The following EIF2AK4 variants were observed in gnomAD, a reference collection of about 807,000 sequenced individuals.
EIF2AK4 encodes the protein eukaryotic translation initiation factor 2 alpha kinase 4.
EIF2AK4 carries 139 observed loss-of-function variants against 211.1 expected under a neutral mutation model. The ratio of observed to expected loss-of-function variants is 0.66; its 90% CI spans 0.57 to 0.76. The LOEUF is 0.76. EIF2AK4 is among the 30% of genes least tolerant of loss of function. The probability of loss-of-function intolerance (pLI) is 0.00; values close to 1 mark genes in which losing one functional copy is unlikely to be tolerated. For missense variants in EIF2AK4, 1,664 were observed against 2,043.8 expected (o/e 0.81, Z 3.58); for synonymous variants, 710 against 751.3 (o/e 0.94, Z 0.90).
rs771071962 is a variant in EIF2AK4 at position 39,971,388 on chromosome 15, G to T, written c.1554-1520G>T. On this transcript the variant is annotated intron_variant, in intron 9 of 38. Transcript: ENST00000263791. ...AAAAGACAAAAATTAGCCATGCATGGTGACACTCACCTGTAATCCCAGCTA... is the reference window on the plus strand; with the variant it reads ...AAAAGACAAAAATTAGCCATGCATGTTGACACTCACCTGTAATCCCAGCTA... Among the ~76,000 whole-genome samples the T allele has an allele frequency of 1.6e-3, 242 of 152,216 alleles. 1 individual carries two copies. The highest frequency in any genetic ancestry group is 3.4e-3 in the Middle Eastern group (1 of 294).
At chr15:40,024,479 A>T (rs986511625) in intron 32 of EIF2AK4, among the ~76,000 whole-genome samples, 26 of 129,244 alleles carry the variant, frequency 2.0e-4, no homozygotes, top group African/African-American at 7.8e-4. Context: ...TGCAATCTCC[A>T]CTTGCTGCAA....
chr15:40,019,129 G>C lies in EIF2AK4; in HGVS notation c.4102G>C (p.Val1368Leu), dbSNP rs768352271. The C allele has an allele frequency of 1.2e-6, 2 of 1,608,202 alleles. No homozygotes were observed. Among genetic ancestry groups the C allele is most frequent in the South Asian group, 2.2e-5 (2 of 89,686 alleles). ...QFRGPQALGP[V>L]PTAIGVSIAI... ...TAGAGGGCCACAAGCTCTGGGGCCA[G>C]TTCCCACTGCCATTGGGGTCAGCAT... Residue 1368 changes from valine (V) to leucine (L), a missense_variant, in exon 30 of 39, where the codon GTT (valine) becomes CTT (leucine). This residue lies in a region of EIF2AK4 where 622 missense variants were observed against 796.8 expected (regional missense o/e 0.78). Transcript: ENST00000263791.
intron 19 of EIF2AK4, among the ~76,000 whole-genome samples, chr15:39,998,135 T>G (rs142041956): frequency 6.6e-6 from 1 of 152,222 alleles, no homozygotes; most frequent in Non-Finnish European, 1.5e-5. Flanking sequence ...TAGATGATTA[T>G]GTCCTTAATG....
chr15:39,964,787 T>C (rs2034520328), intron 7 of EIF2AK4, among the ~76,000 whole-genome samples: 1 of 152,234 alleles, frequency 6.6e-6, no homozygotes. Flanking sequence ...GAGAACCATA[T>C]GACTATCACT....
intron 6 of EIF2AK4, among the ~76,000 whole-genome samples, chr15:39,960,202 G>A: frequency 6.6e-6 from 1 of 151,604 alleles, no homozygotes; most frequent in Non-Finnish European, 1.5e-5. Flanking sequence ...GGACATATGT[G>A]TGGTGTAAGA....
intron 34 of EIF2AK4, 146 bp downstream of exon 34, chr15:40,029,610 C>G (rs1208473555): frequency 1.3e-6 from 1 of 763,112 alleles, no homozygotes; most frequent in Non-Finnish European, 2.0e-6. Context: ...GGATGCATCC[C>G]TATGCTTTGA....
chr15:40,001,901 C>A (rs2035097945), intron 21 of EIF2AK4, among the ~76,000 whole-genome samples: 1 of 151,870 alleles, frequency 6.6e-6, no homozygotes, highest in African/African-American at 2.4e-5. Context: ...AGCCAGGTTG[C>A]CAGTTTGGGA....
At chr15:39,977,168 T>G (rs1478919680) in intron 12 of EIF2AK4, 3 of 242,060 alleles carry the variant, frequency 1.2e-5, no homozygotes, top group Non-Finnish European at 2.4e-5. Context: ...AACCACCACT[T>G]TTAGAGAGTA....
intron 4 of EIF2AK4, among the ~76,000 whole-genome samples, chr15:39,950,179 C>T (rs1429045893): frequency 6.6e-6 from 1 of 152,124 alleles, no homozygotes; most frequent in African/African-American, 2.4e-5. Flanking sequence ...ATAATACTTT[C>T]TTTAAACTAT....
At chr15:39,992,136 C>T in intron 16 of EIF2AK4, 39 bp from the exon 17 acceptor site, 1 of 1,571,706 alleles carries the variant, frequency 6.4e-7, no homozygotes, top group Non-Finnish European at 8.7e-7. Flanking sequence ...GGAATAATAT[C>T]ATGTTTTAAT....
rs777823474 is a variant in EIF2AK4 at position 40,032,199 on chromosome 15, A to G, written c.4690A>G (p.Asn1564Asp). 2.0e-5 allele frequency: 33 copies of G among 1,614,098 alleles called. No individual in the cohort carries two copies. Among genetic ancestry groups the G allele is most frequent in the Non-Finnish European group, 2.8e-5 (33 of 1,180,036 alleles). The change falls in exon 36 of 39, where the codon AAC becomes GAC. Residue 1564 changes from asparagine (N) to aspartate (D), a missense_variant. Coordinates refer to ENST00000263791, the MANE Select transcript of EIF2AK4 (RefSeq NM_001013703.4). ...AACTCGACTTCAGACCTCCCTTGCCAACTTACATCAGAAAAGCAGTGAAAT... is the reference window on the plus strand; with the variant it reads ...AACTCGACTTCAGACCTCCCTTGCCGACTTACATCAGAAAAGCAGTGAAAT... The part of the protein sequence containing the change: ...VQTRLQTSLA[N>D]LHQKSSEIEI...
At chr15:40,027,432 C>T (rs572366211) in intron 33 of EIF2AK4, among the ~76,000 whole-genome samples, 3 of 152,316 alleles carry the variant, frequency 2.0e-5, no homozygotes, top group Admixed American at 6.5e-5. Flanking sequence ...CTTCAAGATT[C>T]TCTAGACCAC....
intron 11 of EIF2AK4, chr15:39,974,339 G>A (rs1481488757): frequency 6.6e-6 from 1 of 152,100 alleles, no homozygotes; most frequent in African/African-American, 2.4e-5. Context: ...TATAATAGAA[G>A]TATTTCTTTG....
Position 39,976,803 on chromosome 15 carries a change from C to CGACGACGACGA in EIF2AK4, c.2213_2214insCGACGAGACGA (p.Glu738AspfsTer57). ...CGGGCTCCAGCGATGACGAGGACGA[C>CGACGACGACGA]GACGAGGACGAGCACGGTGGCGTCT... On this transcript the variant is annotated frameshift_variant, in exon 12 of 39. Coordinates refer to ENST00000263791, the MANE Select transcript of EIF2AK4 (RefSeq NM_001013703.4). LOFTEE classifies it high-confidence loss of function. 1 of 1,572,414 alleles carries CGACGACGACGA rather than the reference C, an allele frequency of 6.4e-7. No homozygotes were observed. Among genetic ancestry groups the CGACGACGACGA allele is most frequent in the Non-Finnish European group, 8.6e-7 (1 of 1,161,718 alleles).
chr15:39,942,201 A>T (rs2034154531), intron 2 of EIF2AK4, among the ~76,000 whole-genome samples: 1 of 152,172 alleles, frequency 6.6e-6, no homozygotes, highest in African/African-American at 2.4e-5. Context: ...GCTTTTCTGC[A>T]GAATAGTCCT....
chr15:40,032,528 G>C (rs2291622), intron 36 of EIF2AK4, among the ~76,000 whole-genome samples: 6 of 152,240 alleles, frequency 3.9e-5, no homozygotes, highest in Admixed American at 2.6e-4. Context: ...ATGTAGCAGC[G>C]TCAGACCTTT....
At position 40,030,358 on chromosome 15, in the gene EIF2AK4, G is replaced by A; in HGVS notation, c.4562-1G>A. On this transcript the variant is annotated splice_acceptor_variant, in intron 34 of 38. Coordinates refer to ENST00000263791, the MANE Select transcript of EIF2AK4 (RefSeq NM_001013703.4). LOFTEE classifies it high-confidence loss of function. ...AAATTCTGAAACTCTCTTGGTCTCA[G>A]GTTTGTTTGAAATCCATGGAGCAAC... The A allele has an allele frequency of 1.2e-6, 2 of 1,613,916 alleles. No individual in the cohort carries two copies. Among genetic ancestry groups the A allele is most frequent in the East Asian group, 2.2e-5 (1 of 44,884 alleles).
At chr15:39,996,105 G>A (rs993431991) in intron 18 of EIF2AK4, among the ~76,000 whole-genome samples, 1 of 152,092 alleles carries the variant, frequency 6.6e-6, no homozygotes, top group African/African-American at 2.4e-5. Context: ...GTGAGATCAT[G>A]TAGTATTTGC....
intron 34 of EIF2AK4, among the ~76,000 whole-genome samples, chr15:40,029,677 A>C (rs112338319): frequency 1.2e-4 from 18 of 152,196 alleles, no homozygotes; most frequent in Non-Finnish European, 1.9e-4. Flanking sequence ...CTTCTACTCT[A>C]TCTCTTATTT....
Sources: gnomAD v4.1 joint callset for allele counts (sites outside exome capture counted in the v4.1 genomes callset) on GRCh38, gnomAD v4.1.1 for gene constraint, gnomAD v4.1.1 regional missense constraint, MANE v1.5 for transcripts, NCBI Gene and HGNC (gene_info 2026-07-23, HGNC 2026-07-21) for gene names.